DIP2B: variants seen among roughly 807,000 people sequenced by gnomAD.
DIP2B encodes the protein DIP2 acetate--CoA ligase B (putative).
Under a neutral mutation model 198.0 loss-of-function variants are expected in DIP2B, and 76 were observed. That is an observed-to-expected ratio of 0.38 (90% CI 0.32 to 0.46). The LOEUF (loss-of-function observed/expected upper bound fraction) is 0.46, where lower values mean the gene tolerates loss of function less well. Ranked by LOEUF, DIP2B falls within the 20% of genes least tolerant of loss-of-function variation. The probability of loss-of-function intolerance (pLI) is 0.99; values close to 1 mark genes in which losing one functional copy is unlikely to be tolerated. For synonymous variants in DIP2B, 701 were observed against 739.1 expected (o/e 0.95, Z 0.84); for missense variants, 1,559 against 1,978.4 (o/e 0.79, Z 4.02).
At chr12:50,613,440 C>T (rs1339848709) in intron 1 of DIP2B, among the ~76,000 whole-genome samples, 3 of 152,214 alleles carry the variant, frequency 2.0e-5, no homozygotes. Context: ...ATCTTCTGTC[C>T]TCACTCCCAG....
At chr12:50,735,463 G>GT (rs1430920069) in intron 34 of DIP2B, among the ~76,000 whole-genome samples, 2 of 68,166 alleles carry the variant, frequency 2.9e-5, no homozygotes, top group African/African-American at 7.5e-5. Context: ...TTGTTTTTTT[G>GT]TTTTTTGTTT....
At chr12:50,593,860 T>C (rs1204613126) in intron 1 of DIP2B, among the ~76,000 whole-genome samples, 11 of 1,898 alleles carry the variant, frequency 5.8e-3, no homozygotes, top group Admixed American at 0.01. Flanking sequence ...CCCTCCCCTC[T>C]CCTCCCCTCC....
chr12:50,648,900 TAAAAC>T (rs1292879465), intron 3 of DIP2B, among the ~76,000 whole-genome samples: 10 of 152,286 alleles, frequency 6.6e-5, no homozygotes, highest in Non-Finnish European at 1.0e-4. Flanking sequence ...AGAATTAACT[TAAAAC>T]AATTTAGTCA....
intron 1 of DIP2B, among the ~76,000 whole-genome samples, chr12:50,516,239 C>CTA (rs1958063315): frequency 4.7e-5 from 7 of 149,148 alleles, no homozygotes; most frequent in Admixed American, 6.7e-5. Flanking sequence ...CTCTCTCTCT[C>CTA]TCTCTCTATC....
chr12:50,558,084 G>A (rs1425505931), intron 1 of DIP2B, among the ~76,000 whole-genome samples: 1 of 31,744 alleles, frequency 3.2e-5, no homozygotes, highest in East Asian at 1.3e-3. Flanking sequence ...TCACGTTTCA[G>A]CTGAGCGCGG....
chr12:50,602,166 C>T (rs558648130), intron 1 of DIP2B, among the ~76,000 whole-genome samples: 4 of 152,288 alleles, frequency 2.6e-5, no homozygotes, highest in East Asian at 1.9e-4. Context: ...ACTAATAGAA[C>T]GAGATGTAGC....
intron 4 of DIP2B, among the ~76,000 whole-genome samples, chr12:50,669,424 T>A (rs2139522094): frequency 6.6e-6 from 1 of 152,098 alleles, no homozygotes; most frequent in East Asian, 1.9e-4. Context: ...CTTTCTGGGT[T>A]TTTTGTTTTT....
At chr12:50,596,240 G>C (rs1188028749) in intron 1 of DIP2B, among the ~76,000 whole-genome samples, 1 of 152,158 alleles carries the variant, frequency 6.6e-6, no homozygotes, top group African/African-American at 2.4e-5. Context: ...ATAAAAGTAA[G>C]AATTATAAGT....
chr12:50,683,974 G>A (rs778608546), intron 10 of DIP2B, among the ~76,000 whole-genome samples: 11 of 151,988 alleles, frequency 7.2e-5, no homozygotes, highest in African/African-American at 2.2e-4. Flanking sequence ...CTAGCCATGC[G>A]TGGTGGTGTG....
At chr12:50,540,896 A>G (rs1049035092) in intron 1 of DIP2B, among the ~76,000 whole-genome samples, 2 of 152,162 alleles carry the variant, frequency 1.3e-5, no homozygotes, top group African/African-American at 4.8e-5. Flanking sequence ...CTTTAGTCAT[A>G]GATTTTAAGA....
chr12:50,684,261 A>G (rs958737624), intron 10 of DIP2B, among the ~76,000 whole-genome samples: 1 of 152,206 alleles, frequency 6.6e-6, no homozygotes, highest in Non-Finnish European at 1.5e-5. Context: ...CTCTAACTGT[A>G]TCATATGACC....
chr12:50,697,402 A>G (rs1939332117), intron 17 of DIP2B, among the ~76,000 whole-genome samples: 1 of 152,144 alleles, frequency 6.6e-6, no homozygotes, highest in Non-Finnish European at 1.5e-5. Flanking sequence ...GCTCTTCGGA[A>G]TCCATAGCAC....
At chr12:50,539,360 T>C (rs528223288) in intron 1 of DIP2B, among the ~76,000 whole-genome samples, 196 of 151,696 alleles carry the variant, frequency 1.3e-3, no homozygotes, top group Non-Finnish European at 1.8e-3. Flanking sequence ...GGGTGTGGTG[T>C]AATACCAGCA....
At chr12:50,580,923 G>A (rs1958719769) in intron 1 of DIP2B, among the ~76,000 whole-genome samples, 1 of 149,282 alleles carries the variant, frequency 6.7e-6, no homozygotes, top group Non-Finnish European at 1.5e-5. Context: ...TGCCAGCCTT[G>A]AAGGACCGAC....
intron 2 of DIP2B, among the ~76,000 whole-genome samples, chr12:50,632,347 C>T (rs776440275): frequency 1.2e-4 from 18 of 150,778 alleles, no homozygotes; most frequent in Non-Finnish European, 2.2e-4. Flanking sequence ...GGCATGGTGT[C>T]GCATGCCTGT....
At position 50,526,928 on chromosome 12, in the gene DIP2B, A is replaced by AC. The variant is rs11387762; in HGVS notation, c.100+21691dup. Reference sequence around the variant, plus strand: ...TGGGATTACAGGCGTGAGCCACTGCACCCGGCCTTTTTTCCTCTGTCTTAA... The same window carrying AC: ...TGGGATTACAGGCGTGAGCCACTGCACCCCGGCCTTTTTTCCTCTGTCTTAA... On this transcript the variant is annotated intron_variant, in intron 1 of 37. Coordinates refer to ENST00000301180, the MANE Select transcript of DIP2B (RefSeq NM_173602.3). Among the ~76,000 whole-genome samples, 721 of 152,114 alleles carry AC rather than the reference A, an allele frequency of 4.7e-3. 8 individuals carry two copies. The highest frequency in any genetic ancestry group is 0.016 in the African/African-American group (682 of 41,486).
At chr12:50,719,819 T>C (rs7302163) in intron 25 of DIP2B, among the ~76,000 whole-genome samples, 140,347 of 150,028 alleles carry the variant, frequency 0.94, 65,969 homozygotes, top group East Asian at 1. Context: ...CCAGCCTGGG[T>C]GACAGAGCAA....
chr12:50,658,760 T>C (rs540601920), intron 3 of DIP2B, among the ~76,000 whole-genome samples: 1 of 152,278 alleles, frequency 6.6e-6, no homozygotes, highest in South Asian at 2.1e-4. Flanking sequence ...AGTGAGGTGT[T>C]TCTCCTTGTA....
intron 1 of DIP2B, among the ~76,000 whole-genome samples, chr12:50,604,521 G>A (rs1958965670): frequency 6.6e-6 from 1 of 151,992 alleles, no homozygotes; most frequent in African/African-American, 2.4e-5. Flanking sequence ...TGGCATGCAT[G>A]TTCATGGCTC....
Sources: gnomAD v4.1 joint callset for allele counts (sites outside exome capture counted in the v4.1 genomes callset) on GRCh38, gnomAD v4.1.1 for gene constraint, MANE v1.5 for transcripts, NCBI Gene and HGNC (gene_info 2026-07-23, HGNC 2026-07-21) for gene names.